Variants in EXOC4 observed in about 807,000 individuals in gnomAD.
The protein encoded by EXOC4 is exocyst complex component 4.
In EXOC4, 71 loss-of-function variants were observed where a neutral mutation model predicts 107.2. The observed-to-expected ratio is 0.66, with a 90% CI of 0.55 to 0.81. The LOEUF is 0.81. EXOC4 is among the 30% of genes least tolerant of loss of function. The probability of loss-of-function intolerance (pLI) is 0.00; values close to 1 mark genes in which losing one functional copy is unlikely to be tolerated. For missense variants in EXOC4, 1,108 were observed against 1,189.6 expected (o/e 0.93, Z 1.01); for synonymous variants, 456 against 441.2 (o/e 1.03, Z -0.42).
intron 9 of EXOC4, chr7:133,576,737 T>G (rs1366120998): frequency 7.8e-7 from 1 of 1,289,794 alleles, no homozygotes; most frequent in Non-Finnish European, 1.0e-6. Context: ...TAGAGGATAT[T>G]GGTCTACAGG....
intron 11 of EXOC4, among the ~76,000 whole-genome samples, chr7:133,877,069 G>A (rs912579478): frequency 2.0e-5 from 3 of 151,444 alleles, no homozygotes; most frequent in Non-Finnish European, 4.4e-5. Context: ...TTGTTTCGCA[G>A]TTCGCTGACT....
the EXOC4 span, among the ~76,000 whole-genome samples, chr7:134,097,059 A>T: frequency 6.6e-6 from 1 of 152,150 alleles, no homozygotes; most frequent in Non-Finnish European, 1.5e-5. Flanking sequence ...CATTAAAAAG[A>T]TACAAATTTT....
intron 14 of EXOC4, among the ~76,000 whole-genome samples, chr7:133,969,278 T>C (rs1421454270): frequency 6.6e-6 from 1 of 152,148 alleles, no homozygotes; most frequent in African/African-American, 2.4e-5. Context: ...TTGCATTGGG[T>C]TAGAACATGC....
At position 133,893,425 on chromosome 7, in the gene EXOC4, C is replaced by T. The variant is rs1585228082; in HGVS notation, c.1735-2174C>T. Among the ~76,000 whole-genome samples, 2 of 75,300 alleles carry T rather than the reference C, an allele frequency of 2.7e-5. 1 individual carries two copies. The highest frequency in any genetic ancestry group is 4.5e-5 in the Non-Finnish European group (2 of 44,278). 49.4% of individuals were successfully genotyped at this position (75,300 alleles called of 152,430 possible). The stretch of plus-strand genomic sequence containing the variant: ...TTAATTGGAGAATTTAGTCCATTTA[C>T]ATTTAAAGTTAATATTGTTATGTGT... On this transcript the variant is annotated intron_variant, in intron 11 of 17. Coordinates refer to ENST00000253861, the MANE Select transcript of EXOC4 (RefSeq NM_021807.4).
intron 9 of EXOC4, chr7:133,484,290 C>A: frequency 1.0e-6 from 1 of 983,346 alleles, no homozygotes; most frequent in Non-Finnish European, 1.4e-6. Flanking sequence ...GGCAGTTGGG[C>A]TGCGGAGATG....
At chr7:133,456,078 A>G (rs1475634121) in intron 7 of EXOC4, among the ~76,000 whole-genome samples, 1 of 152,166 alleles carries the variant, frequency 6.6e-6, no homozygotes, top group Non-Finnish European at 1.5e-5. Context: ...GCTTTTATTC[A>G]TGGAGGCTAT....
At chr7:134,097,430 G>C in the EXOC4 span, among the ~76,000 whole-genome samples, 1 of 151,568 alleles carries the variant, frequency 6.6e-6, no homozygotes, top group African/African-American at 2.4e-5. Flanking sequence ...GAAAAGCCTA[G>C]CTCTCTCCCT....
At chr7:133,566,817 A>T (rs1800915006) in intron 9 of EXOC4, among the ~76,000 whole-genome samples, 1 of 152,246 alleles carries the variant, frequency 6.6e-6, no homozygotes, top group Admixed American at 6.5e-5. Flanking sequence ...AACTGTTTTT[A>T]GATGATTTTA....
chr7:134,095,267 A>T, the EXOC4 span, among the ~76,000 whole-genome samples: 2 of 152,048 alleles, frequency 1.3e-5, no homozygotes, highest in African/African-American at 2.4e-5. Flanking sequence ...AACCAAGAAG[A>T]TGAAAGATCT....
At chr7:133,643,354 C>T (rs1417473072) in intron 10 of EXOC4, among the ~76,000 whole-genome samples, 2 of 152,124 alleles carry the variant, frequency 1.3e-5, no homozygotes, top group South Asian at 2.1e-4. Context: ...TTATTCTAGC[C>T]GCACTAGCAG....
At chr7:133,635,798 T>C (rs1469487147) in intron 10 of EXOC4, among the ~76,000 whole-genome samples, 5 of 152,298 alleles carry the variant, frequency 3.3e-5, no homozygotes, top group African/African-American at 9.6e-5. Flanking sequence ...TCACATGGCC[T>C]CTTCCCTGTG....
intron 13 of EXOC4, among the ~76,000 whole-genome samples, chr7:133,918,534 G>C (rs1003867094): frequency 1.3e-5 from 2 of 152,194 alleles, no homozygotes; most frequent in African/African-American, 4.8e-5. Flanking sequence ...TGCTTCCTGT[G>C]TGTGTGTTCA....
the EXOC4 span, among the ~76,000 whole-genome samples, chr7:134,100,227 G>A: frequency 3.3e-5 from 5 of 151,986 alleles, no homozygotes; most frequent in South Asian, 2.1e-4. Context: ...GGGAGATGCC[G>A]TGTGAAGACT....
intron 7 of EXOC4, among the ~76,000 whole-genome samples, chr7:133,418,713 T>C (rs557781596): frequency 1.1e-3 from 168 of 152,332 alleles, no homozygotes; most frequent in African/African-American, 3.9e-3. Flanking sequence ...CATCACTCTG[T>C]GTACTCACTA....
chr7:133,823,861 AT>A (rs1440909299), intron 11 of EXOC4, among the ~76,000 whole-genome samples: 298 of 17,332 alleles, frequency 0.017, 28 homozygotes, highest in African/African-American at 0.14. Flanking sequence ...ATATATATAT[AT>A]ATATATATAT....
chr7:133,941,460 CTAAT>C (rs941549536), intron 14 of EXOC4, among the ~76,000 whole-genome samples: 6 of 152,118 alleles, frequency 3.9e-5, no homozygotes, highest in Non-Finnish European at 8.8e-5. Context: ...GAGGTTAAAA[CTAAT>C]TATTTTTTTC....
At chr7:133,674,131 C>T (rs1196228742) in intron 10 of EXOC4, among the ~76,000 whole-genome samples, 1 of 152,122 alleles carries the variant, frequency 6.6e-6, no homozygotes, top group Non-Finnish European at 1.5e-5. Flanking sequence ...GATTAAAAGT[C>T]ACATGAGGAA....
chr7:133,981,918 C>T (rs1793989722), intron 14 of EXOC4, among the ~76,000 whole-genome samples: 1 of 152,178 alleles, frequency 6.6e-6, no homozygotes, highest in Non-Finnish European at 1.5e-5. Context: ...GTAGACCATG[C>T]AGCCATAAAG....
At chr7:133,267,934 C>A (rs573872811) in intron 1 of EXOC4, among the ~76,000 whole-genome samples, 1 of 152,214 alleles carries the variant, frequency 6.6e-6, no homozygotes, top group Admixed American at 6.5e-5. Context: ...GAGAAAAGGT[C>A]TGATCTCAGT....
Sources: allele counts gnomAD v4.1 joint callset (sites outside exome capture counted in the v4.1 genomes callset), GRCh38; gene constraint gnomAD v4.1.1; transcripts MANE v1.5; gene names NCBI Gene and HGNC (gene_info 2026-07-23, HGNC 2026-07-21).